The following IL1RAPL1 variants were observed in gnomAD, a reference collection of about 807,000 sequenced individuals.
IL1RAPL1 encodes the protein interleukin 1 receptor accessory protein like 1, also known as interleukin-1 receptor accessory protein-like 1.
Under a neutral mutation model 48.4 loss-of-function variants are expected in IL1RAPL1, and 3 were observed. The observed-to-expected ratio is 0.06, with a 90% CI of 0.03 to 0.16. IL1RAPL1 has a LOEUF of 0.16. Among genes scored for constraint, IL1RAPL1 ranks in the 10% least tolerant of loss-of-function variants. IL1RAPL1 has a pLI of 1.00. For missense variants in IL1RAPL1, 349 were observed against 530.6 expected, an observed-to-expected ratio of 0.66 and a Z score of 3.36; for synonymous variants, 185 against 187.7, an observed-to-expected ratio of 0.99 and a Z score of 0.12.
chrX:28,776,485 T>G (rs1936363823), intron 1 of IL1RAPL1, among the ~76,000 whole-genome samples: 1 of 112,042 alleles, frequency 8.9e-6, no homozygotes. Flanking sequence ...GAAAGTCACA[T>G]AAATATCACT....
At chrX:28,762,444 A>G (rs1207390449) in intron 1 of IL1RAPL1, among the ~76,000 whole-genome samples, 3 of 111,609 alleles carry the variant, frequency 2.7e-5, no homozygotes, top group African/African-American at 9.8e-5. Context: ...TGGCGTTCAG[A>G]AAAGGATTAG....
intron 2 of IL1RAPL1, among the ~76,000 whole-genome samples, chrX:29,174,517 C>T (rs1313007247): frequency 8.9e-6 from 1 of 111,912 alleles, no homozygotes; most frequent in African/African-American, 3.2e-5. Context: ...AGTAATAGTA[C>T]ATATCAAATG....
chrX:29,123,737 G>A (rs1236677337), intron 2 of IL1RAPL1, among the ~76,000 whole-genome samples: 7 of 111,615 alleles, frequency 6.3e-5, no homozygotes, highest in Admixed American at 4.8e-4. Flanking sequence ...GCCCAATATG[G>A]TAGCCACTGG....
chrX:29,104,315 T>A (rs1374905759), intron 2 of IL1RAPL1, among the ~76,000 whole-genome samples: 1 of 111,993 alleles, frequency 8.9e-6, no homozygotes, highest in Non-Finnish European at 1.9e-5. Flanking sequence ...CCCTATCTTT[T>A]GCAACAACAT....
chrX:28,775,385 C>T (rs1936352969), intron 1 of IL1RAPL1, among the ~76,000 whole-genome samples: 1 of 111,970 alleles, frequency 8.9e-6, no homozygotes, highest in South Asian at 3.7e-4. Flanking sequence ...TCACTTCAAT[C>T]TCTGCCTCCA....
rs746976511 is a variant in IL1RAPL1, at chrX:28,736,048, C to T, written c.-24-53272C>T. On this transcript the variant is annotated intron_variant, in intron 1 of 10. Transcript: ENST00000378993. ...TTGTTAAATTCAAGATATTATATAG[C>T]AATAAAACATTTAAGTATTTGCTGA... is the stretch of plus-strand genomic sequence containing the variant. 2.7e-5 allele frequency among the ~76,000 whole-genome samples: 3 copies of T among 110,909 alleles called. No individual in the cohort carries two copies. In the East Asian group the frequency reaches 8.6e-4, roughly 32 times the overall value.
Position 29,258,150 on chromosome X carries a change from T to C in IL1RAPL1, c.83-24788T>C, listed in dbSNP as rs770361303. 4.5e-5 allele frequency among the ~76,000 whole-genome samples: 5 copies of C among 110,907 alleles called. No homozygotes were observed. In the South Asian group the frequency reaches 1.9e-3, roughly 42 times the overall value. ...CTAAGTATACATGACTTATAGCAGG[T>C]GACAAAAAAGCTGCATATAATTGCC... is the stretch of plus-strand genomic sequence containing the variant. On this transcript the variant is annotated intron_variant, in intron 2 of 10. Coordinates refer to ENST00000378993, the MANE Select transcript of IL1RAPL1 (RefSeq NM_014271.4).
intron 1 of IL1RAPL1, among the ~76,000 whole-genome samples, chrX:28,758,226 A>G (rs763462133): frequency 2.7e-5 from 3 of 112,101 alleles, no homozygotes; most frequent in East Asian, 2.8e-4. Flanking sequence ...GAGGAAGCTA[A>G]TTGCAGAAGC....
At chrX:29,330,968 AC>A (rs1932880311) in intron 3 of IL1RAPL1, among the ~76,000 whole-genome samples, 1 of 110,901 alleles carries the variant, frequency 9.0e-6, no homozygotes, top group Non-Finnish European at 1.9e-5. Context: ...GGAGTTTGAG[AC>A]CAGCCTGGCC....
intron 6 of IL1RAPL1, among the ~76,000 whole-genome samples, chrX:29,668,896 T>A (rs1305308292): frequency 1.8e-5 from 2 of 111,675 alleles, no homozygotes; most frequent in Non-Finnish European, 3.8e-5. Context: ...TTCAAATTTA[T>A]TAAAATAAAT....
chrX:29,893,573 C>G (rs1932316074), intron 6 of IL1RAPL1, among the ~76,000 whole-genome samples: 1 of 111,204 alleles, frequency 9.0e-6, no homozygotes, highest in Non-Finnish European at 1.9e-5. Flanking sequence ...AATAATATTT[C>G]TCCCTACTTT....
chrX:28,837,770 C>G (rs1037890736), intron 2 of IL1RAPL1, among the ~76,000 whole-genome samples: 2 of 92,543 alleles, frequency 2.2e-5, no homozygotes, highest in Admixed American at 2.7e-4. Flanking sequence ...ACGGTCCCAT[C>G]TTTTCCTTAT....
intron 1 of IL1RAPL1, among the ~76,000 whole-genome samples, chrX:28,602,868 T>C (rs1601830849): frequency 8.9e-6 from 1 of 111,749 alleles, no homozygotes; most frequent in Admixed American, 9.6e-5. Flanking sequence ...AGTCTAGTTT[T>C]GGGAACCTGA....
At chrX:29,094,709 T>G (rs1214580679) in intron 2 of IL1RAPL1, among the ~76,000 whole-genome samples, 1 of 91,375 alleles carries the variant, frequency 1.1e-5, no homozygotes, top group Non-Finnish European at 2.1e-5. Context: ...AGGCGGAGGT[T>G]GCAGTGAGCT....
Position 29,414,042 on chromosome X carries a change from A to G in IL1RAPL1, c.703+14734A>G, listed in dbSNP as rs1037486789. 4.5e-5 allele frequency among the ~76,000 whole-genome samples: 5 copies of G among 111,140 alleles called. No individual in the cohort carries two copies. The Admixed American group carries it at 4.8e-4, about 11-fold the overall frequency. On this transcript the variant is annotated intron_variant, in intron 5 of 10. Transcript: ENST00000378993. ...TTTCTATACTTTTTTTTGCAATAAT[A>G]TTATTTTCTATTTTACAAAACTGAT...
intron 2 of IL1RAPL1, among the ~76,000 whole-genome samples, chrX:29,116,032 T>C (rs906091964): frequency 5.4e-5 from 6 of 111,530 alleles, no homozygotes; most frequent in Non-Finnish European, 1.1e-4. Flanking sequence ...GAATAATAAC[T>C]TCTCTCTCAT....
chrX:28,721,425 AC>A (rs1388861618), intron 1 of IL1RAPL1, among the ~76,000 whole-genome samples: 1 of 111,614 alleles, frequency 9.0e-6, no homozygotes, highest in African/African-American at 3.3e-5. Context: ...TCCTTCGCCC[AC>A]TTTTTGATGG....
intron 2 of IL1RAPL1, among the ~76,000 whole-genome samples, chrX:28,945,525 T>C (rs1182211708): frequency 9.1e-6 from 1 of 110,163 alleles, no homozygotes; most frequent in East Asian, 2.9e-4. Flanking sequence ...ACACATGTTC[T>C]CACTCATAAA....
chrX:29,870,080 T>A (rs925379900), intron 6 of IL1RAPL1, among the ~76,000 whole-genome samples: 11 of 111,970 alleles, frequency 9.8e-5, no homozygotes, highest in African/African-American at 3.6e-4. Flanking sequence ...CTATTAGGCA[T>A]ATTGAATGGG....
Sources: allele counts gnomAD v4.1 joint callset (sites outside exome capture counted in the v4.1 genomes callset), GRCh38; gene constraint gnomAD v4.1.1; transcripts MANE v1.5; gene names NCBI Gene and HGNC (gene_info 2026-07-23, HGNC 2026-07-21).